TELO2: variants seen among roughly 807,000 people sequenced by gnomAD.
The protein encoded by TELO2 is telomere maintenance 2.
Under a neutral mutation model 91.0 loss-of-function variants are expected in TELO2, and 71 were observed. The observed-to-expected ratio is 0.78, with a 90% confidence interval of 0.64 to 0.95. The LOEUF (loss-of-function observed/expected upper bound fraction) is 0.95. TELO2 is among the 40% of genes least tolerant of loss of function. TELO2 has a pLI of 0.00. For missense variants in TELO2, 1,183 were observed against 1,141.3 expected, an observed-to-expected ratio of 1.04 and a Z score of -0.53; for synonymous variants, 584 against 518.9, an observed-to-expected ratio of 1.13 and a Z score of -1.71.
intron 6 of TELO2, 110 bp from the exon 7 acceptor site, chr16:1,499,986 C>T: frequency 7.8e-7 from 1 of 1,287,590 alleles, no homozygotes; most frequent in South Asian, 1.5e-5. Context: ...GCTTGTCCGT[C>T]TGCTGCCCTC....
chr16:1,497,653 C>G lies in TELO2; in HGVS notation c.830+145C>G. The G allele has an allele frequency of 8.7e-7, 1 of 1,151,190 alleles. No homozygotes were observed. The highest frequency in any genetic ancestry group is 1.2e-6 in the Non-Finnish European group (1 of 842,132). The allele number at this position is 1,151,190 out of a possible 1,614,324, so 71.3% of individuals were successfully genotyped here. On this transcript the variant is annotated intron_variant, in intron 5 of 20. Coordinates refer to ENST00000262319, the MANE Select transcript of TELO2 (RefSeq NM_016111.4). This position sits in a 1 kb window ranked among gnomAD's most constrained non-coding sequence, Gnocchi z 4.0. ...TGCCACAGGGTGTGGGTGGTGCCCTCTCAGTTCCCGCACGTGCTGATGGTG... is the reference window on the plus strand; with the variant it reads ...TGCCACAGGGTGTGGGTGGTGCCCTGTCAGTTCCCGCACGTGCTGATGGTG...
At position 1,501,684 on chromosome 16, in the gene TELO2, G is replaced by C. The variant is rs779082782; in HGVS notation, c.1383G>C (p.Thr461=). 1 of 1,610,158 alleles carries C rather than the reference G, an allele frequency of 6.2e-7. No homozygotes were observed. The highest frequency in any genetic ancestry group is 1.7e-5 in the Admixed American group (1 of 59,194). The change falls in exon 11 of 21, where the codon ACG becomes ACC. Residue 461 remains threonine, a synonymous_variant. Transcript: ENST00000262319. The part of the protein sequence containing the change: ...SEAGTSLVPA[T]AEPPAETPAE... ...AAAGCACGTCCCTCGTTCCAGCCAC[G>C]GCAGAGCCCCCTGCAGAGACCCCCG...
chr16:1,499,826 C>T (rs189846469), intron 6 of TELO2, among the ~76,000 whole-genome samples: 364 of 152,314 alleles, frequency 2.4e-3, no homozygotes, highest in African/African-American at 8.3e-3. Flanking sequence ...TGCCCCAGCA[C>T]GGCAGCAGCT....
rs1282835593 is a variant in TELO2, at chr16:1,505,572, A to G, written c.2005A>G (p.Ile669Val). 3.1e-6 allele frequency: 5 copies of G among 1,612,440 alleles called. No homozygotes were observed. The South Asian group carries it at 5.5e-5, about 18-fold the overall frequency. ...SDWRVVVEER[I>V]RSKTQRLSKG... ...CTGGCGGGTGGTGGTGGAGGAGCGG[A>G]TCAGAAGCAAGACCCAGCGGCTCTC... The change falls in exon 16 of 21, where the codon ATC becomes GTC. Residue 669 changes from isoleucine (I) to valine (V), a missense_variant. Transcript: ENST00000262319. This position sits in a 1 kb window ranked among gnomAD's most constrained non-coding sequence, Gnocchi z 4.3.
Position 1,495,400 on chromosome 16 carries a change from G to C in TELO2, c.390G>C (p.Glu130Asp), listed in dbSNP as rs760420846. 3.1e-5 allele frequency: 49 copies of C among 1,583,182 alleles called. No homozygotes were observed. In the Middle Eastern group the frequency reaches 9.5e-4, roughly 31 times the overall value. The change falls in exon 3 of 21, where the codon GAG (glutamate) becomes GAC (aspartate). Residue 130 changes from glutamate (E) to aspartate (D), a missense_variant. Transcript: ENST00000262319. Reference sequence around the variant, plus strand: ...GGCTGCTGGCCAGATTCCTGCGCGAGGGCCGGCTGGCAGTGCTGATGGAGG... The same window carrying C: ...GGCTGCTGGCCAGATTCCTGCGCGACGGCCGGCTGGCAGTGCTGATGGAGG... ...MARLLARFLR[E>D]GRLAVLMEAQ...
rs998700927 is a variant in TELO2, at chr16:1,495,683, C to T, written c.613+60C>T. 38 of 1,523,774 alleles carry T rather than the reference C, an allele frequency of 2.5e-5. 1 individual carries two copies. The Middle Eastern group carries it at 9.0e-4, about 36-fold the overall frequency. 94.4% of individuals were successfully genotyped at this position (1,523,774 alleles called of 1,614,324 possible). ...CGTCTTCTTGGGTCCTCGTCCCCTG[C>T]CACCCTCTGGTGCCTCACGGCCTCT... On this transcript the variant is annotated intron_variant, in intron 3 of 20. Transcript: ENST00000262319.
rs542287337 is a variant in TELO2, at chr16:1,499,891, A to AG, written c.934-203dup. Among the ~76,000 whole-genome samples the AG allele has an allele frequency of 5.4e-4, 83 of 152,308 alleles. 2 individuals carry two copies. In the South Asian group the frequency reaches 0.01, roughly 19 times the overall value. ...TATCACGTTCAGTTCAAAGGAATAG[A>AG]GGCGGGTGGGTCGCTTGAGCCCAGG... On this transcript the variant is annotated intron_variant, in intron 6 of 20. Coordinates refer to ENST00000262319, the MANE Select transcript of TELO2 (RefSeq NM_016111.4).
Position 1,500,598 on chromosome 16 carries a change from C to T in TELO2, c.1180C>T (p.Arg394Cys), listed in dbSNP as rs1567298664. ...LASMMAGVKC[R>C]LDSSLPPVRR... ...CAGCATGATGGCGGGCGTGAAGTGC[C>T]GCCTGGACAGTAGCCTGCCCCCCGT... The change falls in exon 9 of 21, where the codon CGC (arginine) becomes TGC (cysteine). Residue 394 changes from arginine (R) to cysteine (C), a missense_variant. Physicochemically the swap from Arg to Cys is radical, Grantham distance 180. Transcript: ENST00000262319. 1.9e-6 allele frequency: 3 copies of T among 1,612,072 alleles called. No homozygotes were observed. Among genetic ancestry groups the T allele is most frequent in the African/African-American group, 1.3e-5 (1 of 75,032 alleles).
Position 1,506,273 on chromosome 16 carries a change from C to T in TELO2, c.2070C>T (p.Ser690=). Residue 690 remains serine, a synonymous_variant, in exon 17 of 21, where the codon AGC becomes AGT. Transcript: ENST00000262319. ...GPRQGPAGSP[S]RFNSVAGHFF... is the part of the protein sequence containing the mutation. ...GGCAGGGCCCGGCAGGCAGCCCCAGCAGATTCAACTCCGTGGCCGGCCACT... is the reference window on the plus strand; with the variant it reads ...GGCAGGGCCCGGCAGGCAGCCCCAGTAGATTCAACTCCGTGGCCGGCCACT... The T allele has an allele frequency of 1.2e-6, 2 of 1,613,894 alleles. No individual in the cohort carries two copies. Among genetic ancestry groups the T allele is most frequent in the Non-Finnish European group, 1.7e-6 (2 of 1,180,016 alleles).
At chr16:1,500,324 G>T in intron 7 of TELO2, 23 bp from the exon 8 acceptor site, 1 of 1,565,692 alleles carries the variant, frequency 6.4e-7, no homozygotes, top group Non-Finnish European at 8.6e-7. Flanking sequence ...GCCCCACACA[G>T]TCGTGGGCCA....
At chr16:1,500,232 G>T in intron 7 of TELO2, 68 bp downstream of exon 7, 1 of 1,538,420 alleles carries the variant, frequency 6.5e-7, no homozygotes, top group South Asian at 1.2e-5. Context: ...CTCACCTTTT[G>T]GGCGGCAGGG....
rs1386321042 is a variant in TELO2 at position 1,510,067 on chromosome 16, T to C, written c.*131T>C. The C allele has an allele frequency of 2.7e-6, 2 of 738,282 alleles. No homozygotes were observed. The highest frequency in any genetic ancestry group is 1.8e-5 in the African/African-American group (1 of 56,392). 45.7% of individuals were successfully genotyped at this position (738,282 alleles called of 1,614,324 possible). A position where few individuals can be genotyped will look rare whatever the true frequency, so the allele number is the denominator to read the frequency against. On this transcript the variant is annotated 3_prime_UTR_variant, in exon 21 of 21. Coordinates refer to ENST00000262319, the MANE Select transcript of TELO2 (RefSeq NM_016111.4). ...CCGCATCCGGTACGGAGAGTGCAGA[T>C]GCAGGAAGGCCCGGCCTGCCGCTAT...
chr16:1,501,837 C>T lies in TELO2; in HGVS notation c.1472+64C>T, dbSNP rs2039696937. The T allele has an allele frequency of 2.0e-6, 3 of 1,538,388 alleles. No homozygotes were observed. The African/African-American group carries it at 4.1e-5, about 21-fold the overall frequency. ...GCCGGGAGGCGAACCCCTCACACTC[C>T]AAGCTGCGGCCCCGTGGGGGGCTCC... is the stretch of plus-strand genomic sequence containing the variant. On this transcript the variant is annotated intron_variant, in intron 11 of 20. Coordinates refer to ENST00000262319, the MANE Select transcript of TELO2 (RefSeq NM_016111.4).
chr16:1,494,262 G>T lies in TELO2; in HGVS notation c.-20G>T. The T allele has an allele frequency of 6.2e-7, 1 of 1,600,736 alleles. No individual in the cohort carries two copies. Among genetic ancestry groups the T allele is most frequent in the South Asian group, 1.1e-5 (1 of 90,846 alleles). Reference sequence around the variant, plus strand: ...ATGTCACAGGTCGTCTTCCCGTGACGCCCAGATCTGTCCTGCAGGATGGAG... The same window carrying T: ...ATGTCACAGGTCGTCTTCCCGTGACTCCCAGATCTGTCCTGCAGGATGGAG... On this transcript the variant is annotated 5_prime_UTR_variant, in exon 2 of 21. Coordinates refer to ENST00000262319, the MANE Select transcript of TELO2 (RefSeq NM_016111.4). The surrounding 1 kb of genome is among the most constrained non-coding windows in gnomAD (Gnocchi z 5.6).
At chr16:1,509,775 G>C in intron 20 of TELO2, 55 bp from the exon 21 acceptor site, 3 of 1,500,232 alleles carry the variant, frequency 2.0e-6, no homozygotes, top group Non-Finnish European at 2.7e-6. Context: ...GACAGGAGGA[G>C]GGAGAATACG....
At chr16:1,509,709 G>C (rs1003909146) in intron 20 of TELO2, 121 bp from the exon 21 acceptor site, 1 of 880,262 alleles carries the variant, frequency 1.1e-6, no homozygotes, top group East Asian at 2.7e-5. Context: ...CTGCAGACCC[G>C]AGCCCCCTTT....
At chr16:1,495,709 G>A (rs1320795481) in intron 3 of TELO2, 86 bp downstream of exon 3, 7 of 1,484,392 alleles carry the variant, frequency 4.7e-6, no homozygotes, top group Middle Eastern at 2.5e-4. Flanking sequence ...CACGGCCTCT[G>A]GAGACTTTGG....
chr16:1,506,740 G>C, intron 17 of TELO2: 2 of 1,397,884 alleles, frequency 1.4e-6, no homozygotes, highest in Non-Finnish European at 1.9e-6. Flanking sequence ...TCGGCGTTGG[G>C]AACTCCTGGC....
rs201973647 is a variant in TELO2 at position 1,507,567 on chromosome 16, C to T, written c.2292-34C>T. 1,374 of 1,549,686 alleles carry T rather than the reference C, an allele frequency of 8.9e-4. 4 individuals carry two copies. Among genetic ancestry groups the T allele is most frequent in the South Asian group, 1.2e-3 (101 of 85,454 alleles). ...GAGTGGGAGGTCTGGGGTGTGGTCC[C>T]TGCCGAGCTCAGCCCCCGCCTTCTT... On this transcript the variant is annotated intron_variant, in intron 19 of 20. Transcript: ENST00000262319.
Sources: allele counts gnomAD v4.1 joint callset (sites outside exome capture counted in the v4.1 genomes callset), GRCh38; gene constraint gnomAD v4.1.1; non-coding constraint Gnocchi (gnomAD v3.1); transcripts MANE v1.5; gene names NCBI Gene and HGNC (gene_info 2026-07-23, HGNC 2026-07-21).